The following INPP4B variants were observed in gnomAD, a reference collection of about 807,000 sequenced individuals.
The protein encoded by INPP4B is inositol polyphosphate-4-phosphatase type II B, also known as inositol polyphosphate 4-phosphatase type II.
A neutral mutation model predicts 122.5 loss-of-function variants in INPP4B; 55 were observed. The observed-to-expected ratio is 0.45, with a 90% CI of 0.36 to 0.56. The LOEUF (loss-of-function observed/expected upper bound fraction) is 0.56. Ranked by LOEUF, INPP4B falls within the 20% of genes least tolerant of loss-of-function variation. INPP4B has a pLI of 0.00. For synonymous variants in INPP4B, 403 were observed against 388.7 expected, an observed-to-expected ratio of 1.04 and a Z score of -0.43; for missense variants, 1,000 against 1,097.7, an observed-to-expected ratio of 0.91 and a Z score of 1.26.
intron 9 of INPP4B, among the ~76,000 whole-genome samples, chr4:142,296,487 G>A (rs772107724): frequency 1.1e-4 from 16 of 152,084 alleles, no homozygotes; most frequent in South Asian, 4.1e-4. Flanking sequence ...AACAAAAACC[G>A]GCACTAGAGA....
At chr4:142,475,768 TA>T (rs1424051064) in intron 2 of INPP4B, among the ~76,000 whole-genome samples, 5 of 152,112 alleles carry the variant, frequency 3.3e-5, no homozygotes, top group African/African-American at 1.2e-4. Flanking sequence ...ACGGTTTCTC[TA>T]AATTAACTCA....
At chr4:142,720,586 AGTT>A (rs1764398160) in intron 2 of INPP4B, among the ~76,000 whole-genome samples, 1 of 150,966 alleles carries the variant, frequency 6.6e-6, no homozygotes. Flanking sequence ...CTATATAAAT[AGTT>A]GTTTTACTGC....
chr4:142,369,336 C>T (rs1318769944), intron 7 of INPP4B, among the ~76,000 whole-genome samples: 1 of 151,878 alleles, frequency 6.6e-6, no homozygotes, highest in African/African-American at 2.4e-5. Flanking sequence ...GTAATTCCAG[C>T]ACTTTGGAAT....
At chr4:142,612,387 G>A (rs1199830812) in intron 2 of INPP4B, among the ~76,000 whole-genome samples, 2 of 152,176 alleles carry the variant, frequency 1.3e-5, no homozygotes, top group South Asian at 4.1e-4. Context: ...ACTGCTATTT[G>A]CCTACTGCAA....
At chr4:142,735,924 AACACACACACACAC>A (rs33993491) in intron 1 of INPP4B, among the ~76,000 whole-genome samples, 43 of 142,734 alleles carry the variant, frequency 3.0e-4, no homozygotes, top group Middle Eastern at 3.4e-3. Flanking sequence ...TATACATTGC[AACACACACACACAC>A]ACACACACAC....
chr4:142,085,517 T>G (rs1035291773), intron 24 of INPP4B, among the ~76,000 whole-genome samples: 2 of 152,198 alleles, frequency 1.3e-5, no homozygotes, highest in African/African-American at 4.8e-5. Flanking sequence ...GGTTACCAGA[T>G]AAGAGCCTTA....
chr4:142,778,937 G>A (rs1471125108), intron 1 of INPP4B, among the ~76,000 whole-genome samples: 1 of 151,986 alleles, frequency 6.6e-6, no homozygotes, highest in Non-Finnish European at 1.5e-5. Context: ...CCAGACAATT[G>A]AGGGTCTAAA....
chr4:142,217,982 A>G (rs72939257), intron 12 of INPP4B, among the ~76,000 whole-genome samples: 8,725 of 152,008 alleles, frequency 0.057, 485 homozygotes, highest in East Asian at 0.2. Context: ...TCACCCTGCA[A>G]ATCTTGGGAC....
intron 2 of INPP4B, among the ~76,000 whole-genome samples, chr4:142,649,306 C>T (rs886840475): frequency 3.9e-5 from 6 of 152,178 alleles, no homozygotes; most frequent in African/African-American, 1.2e-4. Context: ...AACCAGAGTG[C>T]CTCTTCTCCT....
intron 7 of INPP4B, among the ~76,000 whole-genome samples, chr4:142,331,294 A>G (rs1774405844): frequency 6.6e-6 from 1 of 152,146 alleles, no homozygotes. Context: ...AGAATTGGAA[A>G]GGGACATGTA....
chr4:142,561,192 T>A (rs1390070195), intron 2 of INPP4B, among the ~76,000 whole-genome samples: 4 of 152,202 alleles, frequency 2.6e-5, no homozygotes, highest in Admixed American at 6.5e-5. Context: ...AAGACCAAAT[T>A]AATAATTATA....
chr4:142,593,040 G>C (rs745664857), intron 2 of INPP4B, among the ~76,000 whole-genome samples: 1 of 151,776 alleles, frequency 6.6e-6, no homozygotes, highest in Non-Finnish European at 1.5e-5. Flanking sequence ...GGAGTTCAAG[G>C]CTGCAGTGAG....
intron 15 of INPP4B, among the ~76,000 whole-genome samples, chr4:142,192,216 G>A (rs2627826): frequency 0.88 from 131,651 of 150,436 alleles, 58,409 homozygotes; most frequent in East Asian, 0.96. Flanking sequence ...TAGATACTAC[G>A]CTTATTACTT....
At chr4:142,117,715 AG>A (rs1794383625) in intron 21 of INPP4B, among the ~76,000 whole-genome samples, 2 of 149,306 alleles carry the variant, frequency 1.3e-5, no homozygotes, top group South Asian at 4.2e-4. Flanking sequence ...CATACTGAAT[AG>A]GCAAAAACTG....
intron 7 of INPP4B, among the ~76,000 whole-genome samples, chr4:142,387,511 T>G (rs2148940585): frequency 6.6e-6 from 1 of 151,706 alleles, no homozygotes; most frequent in South Asian, 2.1e-4. Context: ...AAAAAAGATT[T>G]TCTTTTGTGT....
intron 2 of INPP4B, among the ~76,000 whole-genome samples, chr4:142,579,850 G>T (rs1250356447): frequency 7.0e-6 from 1 of 142,650 alleles, no homozygotes; most frequent in Non-Finnish European, 1.5e-5. Flanking sequence ...AGATAGATTG[G>T]ATGAATGGAT....
intron 23 of INPP4B, among the ~76,000 whole-genome samples, chr4:142,106,461 T>C (rs1578918175): frequency 6.6e-6 from 1 of 152,062 alleles, no homozygotes; most frequent in Admixed American, 6.6e-5. Context: ...TTGTATTTTC[T>C]GTAGAGATGG....
At chr4:142,253,052 T>C (rs1478269530) in intron 11 of INPP4B, among the ~76,000 whole-genome samples, 2 of 152,138 alleles carry the variant, frequency 1.3e-5, no homozygotes, top group African/African-American at 4.8e-5. Flanking sequence ...CATAAATATG[T>C]AGGTAACCAC....
chr4:142,030,549 A>G (rs1237038052), intron 25 of INPP4B, among the ~76,000 whole-genome samples: 4 of 152,210 alleles, frequency 2.6e-5, no homozygotes, highest in African/African-American at 4.8e-5. Flanking sequence ...AGAGAGAAAC[A>G]CTGTAATGAT....
Sources: allele counts gnomAD v4.1 joint callset (sites outside exome capture counted in the v4.1 genomes callset), GRCh38; gene constraint gnomAD v4.1.1; transcripts MANE v1.5; gene names NCBI Gene and HGNC (gene_info 2026-07-23, HGNC 2026-07-21).